CNTNAP2: variants seen among roughly 807,000 people sequenced by gnomAD.
CNTNAP2 encodes contactin-associated protein-like 2.
CNTNAP2 carries 98 observed loss-of-function variants against 155.2 expected under a neutral mutation model. That is an observed-to-expected ratio of 0.63 (90% CI 0.54 to 0.75). The LOEUF (loss-of-function observed/expected upper bound fraction) is 0.75. Ranked by LOEUF, CNTNAP2 falls within the 30% of genes least tolerant of loss-of-function variation. The pLI is 0.00. For synonymous variants in CNTNAP2, 651 were observed against 631.2 expected (o/e 1.03, Z -0.47); for missense variants, 1,727 against 1,688.1 (o/e 1.02, Z -0.40).
intron 12 of CNTNAP2, among the ~76,000 whole-genome samples, chr7:147,609,167 T>C (rs1197439416): frequency 6.6e-6 from 1 of 152,108 alleles, no homozygotes; most frequent in South Asian, 2.1e-4. Flanking sequence ...TTCATCAATA[T>C]ATAAAATCTG....
At chr7:147,796,656 T>C (rs1001634141) in intron 13 of CNTNAP2, among the ~76,000 whole-genome samples, 1 of 151,870 alleles carries the variant, frequency 6.6e-6, no homozygotes. Context: ...TAATCAACAA[T>C]TGAATACGCA....
At chr7:148,415,383 G>A (rs534220496) in intron 23 of CNTNAP2, 34 bp from the exon 24 acceptor site, 2 of 1,608,608 alleles carry the variant, frequency 1.2e-6, no homozygotes, top group Middle Eastern at 1.7e-4. Flanking sequence ...CCCAAGCCCT[G>A]TCTAACCTCT....
At chr7:147,213,168 T>C (rs1803194776) in intron 8 of CNTNAP2, among the ~76,000 whole-genome samples, 3 of 152,120 alleles carry the variant, frequency 2.0e-5, no homozygotes, top group Admixed American at 1.3e-4. Flanking sequence ...TCAGTGTGAA[T>C]CTGAAGACCT....
At chr7:147,385,371 A>G (rs912216234) in intron 9 of CNTNAP2, among the ~76,000 whole-genome samples, 4 of 152,166 alleles carry the variant, frequency 2.6e-5, no homozygotes, top group African/African-American at 9.7e-5. Flanking sequence ...AAAAGTCCAT[A>G]GTCCAACGTC....
intron 1 of CNTNAP2, among the ~76,000 whole-genome samples, chr7:146,227,620 T>C (rs546911135): frequency 3.3e-5 from 5 of 152,170 alleles, no homozygotes; most frequent in East Asian, 3.9e-4. Flanking sequence ...AGTATGTCAA[T>C]TGGTGAGTAA....
rs1800348532 is a variant in CNTNAP2, at chr7:146,673,752, A to T, written c.98-100519A>T. On this transcript the variant is annotated intron_variant, in intron 1 of 23. Coordinates refer to ENST00000361727, the MANE Select transcript of CNTNAP2 (RefSeq NM_014141.6). ...GGAGCACCATGCTCAGCTAATTCTTAATTTTTTTTTCTAGAGATAGAGGTC... is the reference window on the plus strand; with the variant it reads ...GGAGCACCATGCTCAGCTAATTCTTTATTTTTTTTTCTAGAGATAGAGGTC... Among the ~76,000 whole-genome samples the T allele has an allele frequency of 4.0e-5, 6 of 150,864 alleles. No individual in the cohort carries two copies. In the South Asian group the frequency reaches 1.3e-3, roughly 32 times the overall value.
intron 2 of CNTNAP2, among the ~76,000 whole-genome samples, chr7:146,819,492 T>A (rs1803235031): frequency 6.6e-6 from 1 of 152,146 alleles, no homozygotes; most frequent in South Asian, 2.1e-4. Context: ...CCTTTTCTTT[T>A]TCCTCTAAAT....
intron 1 of CNTNAP2, among the ~76,000 whole-genome samples, chr7:146,339,256 T>C (rs1416308835): frequency 6.6e-6 from 1 of 152,158 alleles, no homozygotes; most frequent in East Asian, 1.9e-4. Flanking sequence ...CACATATGCG[T>C]GTACATACGT....
At chr7:148,156,874 T>G (rs1285130372) in intron 17 of CNTNAP2, among the ~76,000 whole-genome samples, 1 of 152,156 alleles carries the variant, frequency 6.6e-6, no homozygotes, top group Non-Finnish European at 1.5e-5. Context: ...CCTCATCACT[T>G]CCTATCCAAT....
chr7:146,191,399 G>A (rs1382657850), intron 1 of CNTNAP2, among the ~76,000 whole-genome samples: 1 of 152,192 alleles, frequency 6.6e-6, no homozygotes, highest in African/African-American at 2.4e-5. Context: ...AATGGGGACA[G>A]AGCGAGATCA....
At chr7:147,945,815 C>G (rs1413856794) in intron 14 of CNTNAP2, among the ~76,000 whole-genome samples, 3 of 151,140 alleles carry the variant, frequency 2.0e-5, no homozygotes, top group African/African-American at 7.3e-5. Flanking sequence ...CCCTGGAAAC[C>G]ATTCTTCGCA....
chr7:148,131,236 C>T (rs1423118614), intron 16 of CNTNAP2, among the ~76,000 whole-genome samples: 3 of 151,694 alleles, frequency 2.0e-5, no homozygotes, highest in Admixed American at 2.0e-4. Context: ...GTAGCTGGGA[C>T]CACAGGCTCA....
intron 5 of CNTNAP2, among the ~76,000 whole-genome samples, chr7:147,117,995 G>T (rs1801023549): frequency 1.3e-5 from 2 of 151,914 alleles, no homozygotes; most frequent in African/African-American, 4.8e-5. Context: ...AAATATACTG[G>T]TTTAATATAA....
chr7:148,110,436 C>T (rs896437252), intron 15 of CNTNAP2, among the ~76,000 whole-genome samples: 7 of 151,948 alleles, frequency 4.6e-5, no homozygotes, highest in South Asian at 2.1e-4. Flanking sequence ...TCACTCCCAC[C>T]CCCCACCACC....
chr7:147,514,058 A>G (rs1207396582), intron 11 of CNTNAP2, among the ~76,000 whole-genome samples: 1 of 152,058 alleles, frequency 6.6e-6, no homozygotes, highest in East Asian at 1.9e-4. Context: ...AGCAAATTTC[A>G]CCCCTCTGTA....
At chr7:146,548,191 C>T (rs1301526965) in intron 1 of CNTNAP2, among the ~76,000 whole-genome samples, 4 of 151,974 alleles carry the variant, frequency 2.6e-5, no homozygotes, top group Non-Finnish European at 5.9e-5. Flanking sequence ...TCATTTCACT[C>T]CCATTCATAA....
At chr7:147,132,597 A>T (rs976492311) in intron 8 of CNTNAP2, 88 bp downstream of exon 8, 15 of 1,536,534 alleles carry the variant, frequency 9.8e-6, no homozygotes, top group Non-Finnish European at 1.3e-5. Context: ...TGCTGGTGTT[A>T]CACGCTCAGG....
At chr7:146,162,261 C>T (rs1798235470) in intron 1 of CNTNAP2, among the ~76,000 whole-genome samples, 1 of 152,130 alleles carries the variant, frequency 6.6e-6, no homozygotes, top group Non-Finnish European at 1.5e-5. Context: ...ACAATCTACC[C>T]ATCTGACAAA....
chr7:148,193,385 G>A (rs538212308), intron 18 of CNTNAP2, among the ~76,000 whole-genome samples: 11 of 152,098 alleles, frequency 7.2e-5, no homozygotes, highest in Non-Finnish European at 1.5e-4. Context: ...GAAATCAGAA[G>A]AATACAAATG....
Sources: gnomAD v4.1 joint callset for allele counts (sites outside exome capture counted in the v4.1 genomes callset) on GRCh38, gnomAD v4.1.1 for gene constraint, MANE v1.5 for transcripts, NCBI Gene and HGNC (gene_info 2026-07-23, HGNC 2026-07-21) for gene names.